Variants in MGAT4C observed in about 807,000 individuals in gnomAD.
MGAT4C encodes MGAT4 family member C, also known as alpha-1,3-mannosyl-glycoprotein 4-beta-N-acetylglucosaminyltransferase C.
In MGAT4C, 19 loss-of-function variants were observed where a neutral mutation model predicts 40.1. The ratio of observed to expected loss-of-function variants is 0.47; its 90% CI spans 0.33 to 0.70. MGAT4C has a LOEUF of 0.70. Among genes scored for constraint, MGAT4C ranks in the 30% least tolerant of loss-of-function variants. The pLI is 0.02. For missense variants in MGAT4C, 491 were observed against 563.2 expected (o/e 0.87, Z 1.30); for synonymous variants, 181 against 187.1 (o/e 0.97, Z 0.27).
chr12:86,443,066 T>C lies in MGAT4C; in HGVS notation c.-228-7801A>G, dbSNP rs556470621. On this transcript the variant is annotated intron_variant, in intron 2 of 7. Transcript: ENST00000548651. ...GTATAGCATAAACATAACTATAATA[T>C]GCACTGGGAAACAACAATTTTATGG... 3.9e-5 allele frequency among the ~76,000 whole-genome samples: 6 copies of C among 152,322 alleles called. No homozygotes were observed. The East Asian group carries it at 1.2e-3, about 29-fold the overall frequency.
upstream of MGAT4C, among the ~76,000 whole-genome samples, chr12:86,259,374 C>T (rs762766226): frequency 3.8e-4 from 57 of 151,884 alleles, no homozygotes; most frequent in Non-Finnish European, 6.6e-4. Flanking sequence ...TAATAAGACA[C>T]GTAACTGTTT....
intron 3 of MGAT4C, among the ~76,000 whole-genome samples, chr12:86,342,876 T>C (rs75263675): frequency 0.038 from 5,819 of 152,242 alleles, 315 homozygotes; most frequent in African/African-American, 0.12. Flanking sequence ...ATGCAATCGA[T>C]TGATTATAAT....
intron 2 of MGAT4C, among the ~76,000 whole-genome samples, chr12:86,688,028 G>A (rs1482924921): frequency 6.6e-6 from 1 of 152,060 alleles, no homozygotes; most frequent in Non-Finnish European, 1.5e-5. Flanking sequence ...TGTACTGGGT[G>A]CATATTTATT....
Position 86,774,311 on chromosome 12 carries a change from C to CTTTCTTTCTTTCTTTCTTTCT in MGAT4C, c.-261-47091_-261-47071dup, listed in dbSNP as rs1951698780. ...TCTTTCTTTCTTTCTTTCTTTCTTT[C>CTTTCTTTCTTTCTTTCTTTCT]TTTCTTTCTTTCTTTCTTTCTTTCT... is the stretch of plus-strand genomic sequence containing the variant. On this transcript the variant is annotated intron_variant, in intron 1 of 7. Transcript: ENST00000548651. Among the ~76,000 whole-genome samples, 4 of 40,086 alleles carry CTTTCTTTCTTTCTTTCTTTCT rather than the reference C, an allele frequency of 1.0e-4. 1 individual carries two copies. Among genetic ancestry groups the CTTTCTTTCTTTCTTTCTTTCT allele is most frequent in the Admixed American group, 7.0e-4 (2 of 2,858 alleles). The allele number at this position is 40,086 out of a possible 152,430, so 26.3% of individuals were successfully genotyped here.
At chr12:86,248,842 T>A (rs1952150032) in intron 1 of MGAT4C, among the ~76,000 whole-genome samples, 1 of 152,132 alleles carries the variant, frequency 6.6e-6, no homozygotes, top group African/African-American at 2.4e-5. Flanking sequence ...AGAATAAATT[T>A]CTGGGAGACA....
At chr12:86,176,500 T>G (rs1887449711) in intron 1 of MGAT4C, among the ~76,000 whole-genome samples, 1 of 152,114 alleles carries the variant, frequency 6.6e-6, no homozygotes, top group South Asian at 2.1e-4. Context: ...TTTTGTGAGC[T>G]CCTCATCTTA....
intron 4 of MGAT4C, among the ~76,000 whole-genome samples, chr12:86,268,638 TCAAA>T (rs199712089): frequency 0.018 from 2,672 of 147,394 alleles, 73 homozygotes; most frequent in African/African-American, 0.061. Context: ...GGCTTACTGC[TCAAA>T]CAAACAAAAG....
At chr12:86,317,250 C>G (rs1283108966) in intron 4 of MGAT4C, among the ~76,000 whole-genome samples, 41 of 151,774 alleles carry the variant, frequency 2.7e-4, no homozygotes. Context: ...CTACAGATGG[C>G]AGAGGCTGTG....
intron 2 of MGAT4C, among the ~76,000 whole-genome samples, chr12:86,443,135 A>G (rs1341070650): frequency 2.6e-5 from 4 of 152,154 alleles, no homozygotes; most frequent in Non-Finnish European, 4.4e-5. Context: ...GTCTGGAACC[A>G]AACTTGCAAT....
chr12:86,057,700 G>A (rs7978562), intron 1 of MGAT4C, among the ~76,000 whole-genome samples: 85,017 of 151,916 alleles, frequency 0.56, 24,567 homozygotes, highest in East Asian at 0.92. Flanking sequence ...TCTACCCAAC[G>A]CTGTAACCTC....
chr12:86,033,228 G>T (rs1199039641), intron 2 of MGAT4C, among the ~76,000 whole-genome samples: 1 of 149,504 alleles, frequency 6.7e-6, no homozygotes, highest in African/African-American at 2.4e-5. Context: ...TTTTGCTTAG[G>T]ATGGCCTTAG....
intron 2 of MGAT4C, among the ~76,000 whole-genome samples, chr12:86,633,442 C>A (rs907480289): frequency 6.6e-6 from 1 of 152,030 alleles, no homozygotes; most frequent in Non-Finnish European, 1.5e-5. Context: ...TCTTCTATAT[C>A]TCAAACTTGG....
At position 85,964,797 on chromosome 12, in the gene MGAT4C, G is replaced by A. The variant is rs1436138908; in HGVS notation, c.*14492C>T. ...TCTGCCATATGGAGAAGTAGAATGA[G>A]AGGCCACCTAGGTAATGTGATTTAT... On this transcript the variant is annotated 3_prime_UTR_variant, in exon 5 of 5. Transcript: ENST00000611864. 6.6e-6 allele frequency: 1 copy of A among 152,066 alleles called. No individual in the cohort carries two copies. The highest frequency in any genetic ancestry group is 1.5e-5 in the Non-Finnish European group (1 of 68,016). The allele number at this position is 152,066 out of a possible 1,614,324, so 9.4% of individuals were successfully genotyped here.
intron 2 of MGAT4C, among the ~76,000 whole-genome samples, chr12:86,667,637 C>T (rs1201103144): frequency 6.6e-6 from 1 of 152,130 alleles, no homozygotes; most frequent in Non-Finnish European, 1.5e-5. Context: ...GGGAATGAAA[C>T]CACAGACCAT....
intron 2 of MGAT4C, among the ~76,000 whole-genome samples, chr12:86,598,737 T>G (rs534504349): frequency 5.9e-5 from 9 of 152,162 alleles, no homozygotes; most frequent in African/African-American, 9.6e-5. Flanking sequence ...TTAAATCTAC[T>G]TGTATTATTC....
At chr12:86,586,759 G>T (rs1426255608) in intron 2 of MGAT4C, among the ~76,000 whole-genome samples, 1 of 151,262 alleles carries the variant, frequency 6.6e-6, no homozygotes, top group East Asian at 2.0e-4. Context: ...CTTTTGAGAA[G>T]TGCCTGTTTA....
chr12:86,774,343 C>CTTTCTTTTTCTT (rs1565981678), intron 1 of MGAT4C, among the ~76,000 whole-genome samples: 3 of 54,498 alleles, frequency 5.5e-5, no homozygotes, highest in Admixed American at 2.1e-4. Flanking sequence ...TTCTTTCTGT[C>CTTTCTTTTTCTT]TCTCTCTCTC....
At chr12:86,529,992 T>A (rs1040297058) in intron 2 of MGAT4C, among the ~76,000 whole-genome samples, 40 of 151,580 alleles carry the variant, frequency 2.6e-4, no homozygotes, top group African/African-American at 9.4e-4. Context: ...TGTGGTAATG[T>A]ATTTAAAATT....
chr12:86,685,638 C>T (rs182122685), intron 2 of MGAT4C, among the ~76,000 whole-genome samples: 2 of 152,232 alleles, frequency 1.3e-5, no homozygotes, highest in Non-Finnish European at 2.9e-5. Context: ...GCCATTTTCA[C>T]AATATTGATT....
Sources: gnomAD v4.1 joint callset for allele counts (sites outside exome capture counted in the v4.1 genomes callset) on GRCh38, gnomAD v4.1.1 for gene constraint, MANE v1.5 for transcripts, NCBI Gene and HGNC (gene_info 2026-07-23, HGNC 2026-07-21) for gene names.